Variants in SETD5 observed in about 807,000 individuals in gnomAD.
SETD5 encodes the protein SET domain containing 5.
SETD5 carries 44 observed loss-of-function variants against 153.3 expected under a neutral mutation model. The observed-to-expected ratio is 0.29, with a 90% CI of 0.23 to 0.37. SETD5 has a LOEUF of 0.37. Among genes scored for constraint, SETD5 ranks in the 10% least tolerant of loss-of-function variants. The probability of loss-of-function intolerance (pLI) is 1.00; values close to 1 mark genes in which losing one functional copy is unlikely to be tolerated. For synonymous variants in SETD5, 716 were observed against 645.2 expected, an observed-to-expected ratio of 1.11 and a Z score of -1.66; for missense variants, 1,544 against 1,768.0, an observed-to-expected ratio of 0.87 and a Z score of 2.27.
At chr3:9,458,316 T>A (rs906949971) in intron 17 of SETD5, among the ~76,000 whole-genome samples, 11 of 152,022 alleles carry the variant, frequency 7.2e-5, no homozygotes, top group Non-Finnish European at 1.0e-4. Context: ...ATATATATAT[T>A]TTTTTAATTC....
chr3:9,440,722 T>C, intron 8 of SETD5, 24 bp downstream of exon 8: 1 of 1,601,634 alleles, frequency 6.2e-7, no homozygotes, highest in Non-Finnish European at 8.5e-7. Context: ...GGTTGAGGAC[T>C]CTCTAAGTAG....
rs954259048 is a variant in SETD5 at position 9,436,840 on chromosome 3, C to T, written c.567+934C>T. The T allele has an allele frequency of 3.5e-5, 54 of 1,549,824 alleles. No homozygotes were observed. In the African/African-American group the frequency reaches 6.7e-4, roughly 19 times the overall value. On this transcript the variant is annotated intron_variant, in intron 7 of 22. Transcript: ENST00000402198. ...TTTGTTTGTTCTACTTGTTTTCCTC[C>T]TTGGGATAGGCATTTCGAGAGGGAT... is the stretch of plus-strand genomic sequence containing the variant.
chr3:9,464,461 A>C lies in SETD5; in HGVS notation c.2513A>C (p.Tyr838Ser), dbSNP rs2044327502. ...LSPLKKWKSR[Y>S]LMEQNVTKLL... ...CCATTAAAGAAATGGAAGTCTCGCT[A>C]TCTGATGGAGCAGAATGTCACCAAG... The change falls in exon 18 of 23, where the codon TAT becomes TCT. Residue 838 changes from tyrosine (Y) to serine (S), a missense_variant. Around this residue, in one of 9 missense-constraint regions of SETD5, gnomAD observed 782 missense variants for 787.2 expected, o/e 0.99. Transcript: ENST00000402198. 6.2e-7 allele frequency: 1 copy of C among 1,613,286 alleles called. No homozygotes were observed. Among genetic ancestry groups the C allele is most frequent in the African/African-American group, 1.3e-5 (1 of 74,920 alleles).
intron 17 of SETD5, among the ~76,000 whole-genome samples, chr3:9,460,137 C>T (rs1282772075): frequency 6.6e-6 from 1 of 151,516 alleles, no homozygotes; most frequent in Non-Finnish European, 1.5e-5. Flanking sequence ...TATTATCTAC[C>T]TAGAGAGTTA....
chr3:9,446,022 T>C (rs574904885), intron 13 of SETD5, among the ~76,000 whole-genome samples: 1 of 143,672 alleles, frequency 7.0e-6, no homozygotes, highest in African/African-American at 2.6e-5. Context: ...GCGCGGTGGC[T>C]CACGCCTGTA....
chr3:9,408,000 C>CAAA (rs35771408), intron 1 of SETD5, among the ~76,000 whole-genome samples: 5 of 149,588 alleles, frequency 3.3e-5, no homozygotes, highest in African/African-American at 1.2e-4. Flanking sequence ...AACTATGTCT[C>CAAA]AAAAAAAAAA....
rs779766702 is a variant in SETD5 at position 9,477,562 on chromosome 3, C to G, written c.*1471C>G. On this transcript the variant is annotated 3_prime_UTR_variant, in exon 23 of 23. Transcript: ENST00000402198. ...TTTTTTCCCCAGCCTCTTGCATCCC[C>G]TTCTTTTCTACCCTGTCCTACAACT... 6.6e-6 allele frequency: 1 copy of G among 152,560 alleles called. No homozygotes were observed. The highest frequency in any genetic ancestry group is 1.5e-5 in the Non-Finnish European group (1 of 68,058). 9.5% of individuals were successfully genotyped at this position (152,560 alleles called of 1,614,324 possible). A position where few individuals can be genotyped will look rare whatever the true frequency, so the allele number is the denominator to read the frequency against.
intron 2 of SETD5, among the ~76,000 whole-genome samples, chr3:9,425,049 A>ATGTT (rs1559380157): frequency 1.6e-5 from 2 of 123,392 alleles, no homozygotes; most frequent in Non-Finnish European, 3.3e-5. Context: ...GTTACCGACA[A>ATGTT]TGTTTCTTTT....
In SETD5 at chr3:9,470,724, A is replaced by T; in HGVS notation, c.2990A>T (p.Asp997Val). Residue 997 changes from aspartate (D) to valine (V), a missense_variant, in exon 19 of 23, where the codon GAT (aspartate) becomes GTT (valine). By Grantham distance (152) the Asp-to-Val change is radical. Around this residue, in one of 9 missense-constraint regions of SETD5, gnomAD observed 782 missense variants for 787.2 expected, o/e 0.99. Transcript: ENST00000402198. ...CCTTTGAATGCTATGCCTCGAGCAG[A>T]TGGACTGTATCGAGGATCTCCTCTA... Reference protein sequence around the residue: ...YSPLNAMPRADGLYRGSPLVG... With the variant: ...YSPLNAMPRAVGLYRGSPLVG... The T allele has an allele frequency of 1.2e-6, 2 of 1,614,022 alleles. No homozygotes were observed. The highest frequency in any genetic ancestry group is 1.7e-6 in the Non-Finnish European group (2 of 1,179,878).
chr3:9,409,406 T>C (rs2036214998), intron 1 of SETD5, among the ~76,000 whole-genome samples: 1 of 152,194 alleles, frequency 6.6e-6, no homozygotes, highest in Admixed American at 6.5e-5. Context: ...GTATTATTAT[T>C]GTGTACTCAT....
chr3:9,404,961 C>T (rs2035421931), intron 1 of SETD5, among the ~76,000 whole-genome samples: 1 of 152,214 alleles, frequency 6.6e-6, no homozygotes, highest in South Asian at 2.1e-4. Context: ...CTATTATTAT[C>T]TCACAACGCC....
intron 8 of SETD5, 120 bp downstream of exon 8, chr3:9,440,818 G>A (rs2041186174): frequency 7.7e-7 from 1 of 1,292,088 alleles, no homozygotes; most frequent in Non-Finnish European, 1.0e-6. Flanking sequence ...TAACAGATTA[G>A]CCAGGTGTTG....
chr3:9,413,134 C>A (rs1367509230), intron 1 of SETD5, among the ~76,000 whole-genome samples: 1 of 152,156 alleles, frequency 6.6e-6, no homozygotes, highest in Non-Finnish European at 1.5e-5. Context: ...CAGTCTTTCC[C>A]TGTTGATACT....
chr3:9,462,867 A>C (rs370286956), intron 17 of SETD5, among the ~76,000 whole-genome samples: 10 of 152,154 alleles, frequency 6.6e-5, no homozygotes, highest in African/African-American at 2.2e-4. Flanking sequence ...AGTTGTTAAA[A>C]TTAGATATTT....
chr3:9,422,493 G>A (rs1490680952), intron 1 of SETD5, among the ~76,000 whole-genome samples: 2 of 151,976 alleles, frequency 1.3e-5, no homozygotes, highest in Admixed American at 6.6e-5. Flanking sequence ...TCCCAAAAAG[G>A]TTTTCTTATG....
intron 15 of SETD5, 41 bp from the exon 16 acceptor site, chr3:9,448,347 A>G (rs1217229742): frequency 1.9e-6 from 3 of 1,602,556 alleles, no homozygotes; most frequent in East Asian, 2.2e-5. Flanking sequence ...CTACACTGCT[A>G]CCTCTTGATT....
intron 1 of SETD5, among the ~76,000 whole-genome samples, chr3:9,408,254 C>T (rs967911333): frequency 6.6e-6 from 1 of 152,162 alleles, no homozygotes; most frequent in Non-Finnish European, 1.5e-5. Context: ...TGCGATTTAT[C>T]TGTTGACCTC....
chr3:9,428,441 GAGTTTA>G lies in SETD5; in HGVS notation c.-116-381_-116-376del, dbSNP rs2039578102. Among the ~76,000 whole-genome samples, 3 of 152,190 alleles carry G rather than the reference GAGTTTA, an allele frequency of 2.0e-5. No individual in the cohort carries two copies. The South Asian group carries it at 6.2e-4, about 32-fold the overall frequency. On this transcript the variant is annotated intron_variant, in intron 2 of 22. Coordinates refer to ENST00000402198, the MANE Select transcript of SETD5 (RefSeq NM_001080517.3). The stretch of plus-strand genomic sequence containing the variant: ...TAAATGAAGATCTTGAATTTTTAAA[GAGTTTA>G]GGTAAACTGGGATATTTTTAATAAC...
At chr3:9,464,781 C>T (rs752191419) in intron 18 of SETD5, 109 bp downstream of exon 18, 1 of 1,544,410 alleles carries the variant, frequency 6.5e-7, no homozygotes, top group Admixed American at 1.7e-5. Flanking sequence ...CTTTCTTCCC[C>T]ATCTCAGTAA....
Sources: allele counts gnomAD v4.1 joint callset (sites outside exome capture counted in the v4.1 genomes callset), GRCh38; gene constraint gnomAD v4.1.1; regional missense constraint gnomAD v4.1.1; transcripts MANE v1.5; gene names NCBI Gene and HGNC (gene_info 2026-07-23, HGNC 2026-07-21).